The following ACOXL variants were observed in gnomAD, a reference collection of about 807,000 sequenced individuals.
ACOXL encodes the protein acyl-coenzyme A oxidase-like protein.
In ACOXL, 70 loss-of-function variants were observed where a neutral mutation model predicts 71.9. The ratio of observed to expected loss-of-function variants is 0.97; its 90% CI spans 0.80 to 1.19. ACOXL has a LOEUF of 1.19. ACOXL is among the 50% of genes most tolerant of loss of function. The pLI is 0.00. For missense variants in ACOXL, 703 were observed against 736.3 expected (o/e 0.95, Z 0.52); for synonymous variants, 253 against 281.6 (o/e 0.90, Z 1.02).
chr2:111,054,994 A>C (rs1486734939), intron 16 of ACOXL, among the ~76,000 whole-genome samples: 2 of 152,316 alleles, frequency 1.3e-5, no homozygotes, highest in Non-Finnish European at 2.9e-5. Flanking sequence ...GTTTAGAAGC[A>C]CCTCAGCAAG....
At chr2:110,783,236 G>A (rs1405360589) in intron 2 of ACOXL, among the ~76,000 whole-genome samples, 1 of 152,170 alleles carries the variant, frequency 6.6e-6, no homozygotes, top group Non-Finnish European at 1.5e-5. Flanking sequence ...GAGGATCTGT[G>A]CAACAAAGGA....
intron 1 of ACOXL, among the ~76,000 whole-genome samples, chr2:110,746,677 A>G (rs1184881182): frequency 1.3e-5 from 2 of 152,090 alleles, no homozygotes; most frequent in African/African-American, 4.8e-5. Flanking sequence ...GAAGGAAATA[A>G]TGTATACAGT....
chr2:111,011,593 T>C (rs1446949776), intron 14 of ACOXL, among the ~76,000 whole-genome samples: 2 of 152,090 alleles, frequency 1.3e-5, no homozygotes, highest in Admixed American at 1.3e-4. Context: ...ACAAGGAATG[T>C]TACCAGGGAC....
chr2:110,836,805 T>G (rs569675135), intron 9 of ACOXL, among the ~76,000 whole-genome samples: 1 of 152,272 alleles, frequency 6.6e-6, no homozygotes, highest in South Asian at 2.1e-4. Flanking sequence ...TTGGAAGAAA[T>G]AGGCAGGCTC....
chr2:110,980,270 G>A (rs1185879259), intron 12 of ACOXL, among the ~76,000 whole-genome samples: 2 of 152,354 alleles, frequency 1.3e-5, no homozygotes, highest in South Asian at 2.1e-4. Flanking sequence ...GTGGCTACTA[G>A]AATAAGCTAT....
At chr2:110,902,521 A>G (rs1364217950) in intron 10 of ACOXL, among the ~76,000 whole-genome samples, 1 of 152,186 alleles carries the variant, frequency 6.6e-6, no homozygotes, top group Non-Finnish European at 1.5e-5. Flanking sequence ...AAAAAGCAGC[A>G]GGAATTGTGT....
chr2:110,844,584 G>A (rs574603061), intron 10 of ACOXL, among the ~76,000 whole-genome samples: 69 of 132,116 alleles, frequency 5.2e-4, no homozygotes, highest in South Asian at 4.2e-3. Context: ...GTCTTGCTCT[G>A]TCATCCAGGC....
intron 17 of ACOXL, among the ~76,000 whole-genome samples, chr2:111,113,568 A>G (rs936968810): frequency 6.6e-6 from 1 of 152,264 alleles, no homozygotes; most frequent in African/African-American, 2.4e-5. Context: ...TGTGGAAAGC[A>G]TAGATACTGC....
chr2:110,752,036 T>C (rs1679038326), intron 1 of ACOXL, among the ~76,000 whole-genome samples: 1 of 151,528 alleles, frequency 6.6e-6, no homozygotes, highest in Admixed American at 6.6e-5. Context: ...TTTTTTTTTT[T>C]TTTCCAGATG....
chr2:110,937,955 T>C (rs2060727641), intron 12 of ACOXL, among the ~76,000 whole-genome samples: 1 of 152,208 alleles, frequency 6.6e-6, no homozygotes, highest in Non-Finnish European at 1.5e-5. Flanking sequence ...GGAGTTGATG[T>C]TTCCTCGATG....
chr2:110,871,289 G>T (rs2149040792), intron 10 of ACOXL, among the ~76,000 whole-genome samples: 1 of 152,188 alleles, frequency 6.6e-6, no homozygotes, highest in African/African-American at 2.4e-5. Context: ...TGTGAAAGAG[G>T]CACACTGTCC....
At chr2:110,837,343 A>G (rs1690581681) in intron 9 of ACOXL, among the ~76,000 whole-genome samples, 1 of 152,200 alleles carries the variant, frequency 6.6e-6, no homozygotes, top group African/African-American at 2.4e-5. Context: ...TCAAGTGGGC[A>G]TTTGGGAAGT....
chr2:110,874,410 G>A (rs901960317), intron 10 of ACOXL, among the ~76,000 whole-genome samples: 1 of 152,140 alleles, frequency 6.6e-6, no homozygotes, highest in Non-Finnish European at 1.5e-5. Flanking sequence ...TCAGAGCTGG[G>A]CCTAGAGGCT....
intron 17 of ACOXL, among the ~76,000 whole-genome samples, chr2:111,094,741 T>C (rs1558963204): frequency 6.6e-6 from 1 of 152,216 alleles, no homozygotes; most frequent in Non-Finnish European, 1.5e-5. Flanking sequence ...TCTCATGATT[T>C]TGCATTCTAG....
chr2:110,797,788 G>A (rs957838029), intron 5 of ACOXL, among the ~76,000 whole-genome samples: 2 of 152,218 alleles, frequency 1.3e-5, no homozygotes, highest in Admixed American at 1.3e-4. Context: ...AATCTTGCAG[G>A]TGGGATATTT....
chr2:111,110,073 T>G (rs906313815), intron 17 of ACOXL, among the ~76,000 whole-genome samples: 1 of 152,208 alleles, frequency 6.6e-6, no homozygotes, highest in African/African-American at 2.4e-5. Flanking sequence ...CGGCTACTGA[T>G]TGTGCTTTCT....
Position 110,844,480 on chromosome 2 carries a change from G to A in ACOXL, c.788+3075G>A, listed in dbSNP as rs1691545342. On this transcript the variant is annotated intron_variant, in intron 10 of 17. Coordinates refer to ENST00000439055, the MANE Select transcript of ACOXL (RefSeq NM_001142807.4). ...GGGCTTTTCTTCCCCTCGGCCACAGGAGGACCTGATCTTTTCTCTTAGAAG... is the reference window on the plus strand; with the variant it reads ...GGGCTTTTCTTCCCCTCGGCCACAGAAGGACCTGATCTTTTCTCTTAGAAG... 2.6e-5 allele frequency among the ~76,000 whole-genome samples: 4 copies of A among 151,938 alleles called. No individual in the cohort carries two copies. In the South Asian group the frequency reaches 8.3e-4, roughly 32 times the overall value.
At chr2:110,826,227 C>T (rs561752479) in intron 9 of ACOXL, among the ~76,000 whole-genome samples, 27 of 152,276 alleles carry the variant, frequency 1.8e-4, no homozygotes, top group Admixed American at 1.5e-3. Context: ...CATCACTGAG[C>T]GCCCCTTGTT....
At chr2:110,861,638 G>A (rs1164095960) in intron 10 of ACOXL, among the ~76,000 whole-genome samples, 16 of 152,134 alleles carry the variant, frequency 1.1e-4, no homozygotes, top group African/African-American at 3.4e-4. Context: ...TTCAAAACAC[G>A]GGGTTAAATT....
Sources: gnomAD v4.1 joint callset for allele counts (sites outside exome capture counted in the v4.1 genomes callset) on GRCh38, gnomAD v4.1.1 for gene constraint, MANE v1.5 for transcripts, NCBI Gene and HGNC (gene_info 2026-07-23, HGNC 2026-07-21) for gene names.